The following CTNNA3 variants were observed in gnomAD, a reference collection of about 807,000 sequenced individuals.
CTNNA3 encodes the protein catenin alpha 3.
Under a neutral mutation model 95.7 loss-of-function variants are expected in CTNNA3, and 76 were observed. The ratio of observed to expected loss-of-function variants is 0.79; its 90% CI spans 0.66 to 0.96. The LOEUF (loss-of-function observed/expected upper bound fraction) is 0.96, where lower values mean the gene tolerates loss of function less well. Among genes scored for constraint, CTNNA3 ranks in the 40% least tolerant of loss-of-function variants. CTNNA3 has a pLI of 0.00. For synonymous variants in CTNNA3, 431 were observed against 374.4 expected, an observed-to-expected ratio of 1.15 and a Z score of -1.74; for missense variants, 1,191 against 1,089.8, an observed-to-expected ratio of 1.09 and a Z score of -1.31.
At chr10:66,662,363 T>C (rs1393127975) in intron 9 of CTNNA3, among the ~76,000 whole-genome samples, 1 of 152,200 alleles carries the variant, frequency 6.6e-6, no homozygotes, top group African/African-American at 2.4e-5. Flanking sequence ...GCGTTTAGCA[T>C]ACACCTGCAA....
At chr10:66,485,214 A>G (rs1343706605) in intron 11 of CTNNA3, among the ~76,000 whole-genome samples, 1 of 152,154 alleles carries the variant, frequency 6.6e-6, no homozygotes, top group Non-Finnish European at 1.5e-5. Context: ...TAAACATAGT[A>G]CTGGAAGTTG....
chr10:66,689,101 CAT>C (rs1847416200), intron 9 of CTNNA3, among the ~76,000 whole-genome samples: 1 of 151,466 alleles, frequency 6.6e-6, no homozygotes, highest in Non-Finnish European at 1.5e-5. Context: ...TGTGTGTATC[CAT>C]GAATCAATGA....
At position 66,229,020 on chromosome 10, in the gene CTNNA3, T is replaced by A. The variant is rs558466528; in HGVS notation, c.1884+51450A>T. On this transcript the variant is annotated intron_variant, in intron 13 of 17. Coordinates refer to ENST00000433211, the MANE Select transcript of CTNNA3 (RefSeq NM_013266.4). ...CATTCTTTGACTTTCAGTCTGCATG[T>A]GTATTTCCAGGTAAAGTGAGCTTCT... 2.0e-5 allele frequency among the ~76,000 whole-genome samples: 3 copies of A among 152,304 alleles called. No homozygotes were observed. The East Asian group carries it at 5.8e-4, about 29-fold the overall frequency.
At chr10:67,379,287 C>G (rs1257864696) in intron 5 of CTNNA3, among the ~76,000 whole-genome samples, 1 of 152,088 alleles carries the variant, frequency 6.6e-6, no homozygotes, top group Non-Finnish European at 1.5e-5. Context: ...CTCTAGCCCC[C>G]CGCTTGGACA....
intron 11 of CTNNA3, among the ~76,000 whole-genome samples, chr10:66,423,941 G>A (rs1018187915): frequency 3.3e-5 from 5 of 152,196 alleles, no homozygotes; most frequent in African/African-American, 9.6e-5. Flanking sequence ...AGGTGGAAGA[G>A]TTAATGTTGT....
chr10:66,890,287 G>T (rs1481226659), intron 7 of CTNNA3, among the ~76,000 whole-genome samples: 2 of 151,730 alleles, frequency 1.3e-5, no homozygotes, highest in Non-Finnish European at 1.5e-5. Context: ...CAGGCTCATG[G>T]AACGGAATAA....
chr10:66,869,756 G>A (rs1220087998), intron 7 of CTNNA3, among the ~76,000 whole-genome samples: 5 of 152,104 alleles, frequency 3.3e-5, no homozygotes, highest in Admixed American at 2.6e-4. Flanking sequence ...GAGAGGCTAA[G>A]TGTATCATCT....
chr10:66,408,577 C>G (rs1026404339), intron 11 of CTNNA3, among the ~76,000 whole-genome samples: 4 of 152,116 alleles, frequency 2.6e-5, no homozygotes, highest in Admixed American at 6.5e-5. Flanking sequence ...CATCCTTAAG[C>G]TGTACAAAGT....
intron 11 of CTNNA3, among the ~76,000 whole-genome samples, chr10:66,450,011 T>C (rs1416601601): frequency 1.7e-5 from 1 of 60,028 alleles, no homozygotes; most frequent in East Asian, 4.7e-4. Context: ...AAGTTCATAA[T>C]TTTTTTTGAG....
intron 5 of CTNNA3, among the ~76,000 whole-genome samples, chr10:67,273,776 A>T (rs922893445): frequency 2.6e-5 from 4 of 152,200 alleles, no homozygotes; most frequent in Non-Finnish European, 5.9e-5. Context: ...GATAAATATT[A>T]AAAATGTCAC....
intron 7 of CTNNA3, among the ~76,000 whole-genome samples, chr10:67,050,980 A>G (rs567128219): frequency 1.6e-4 from 24 of 152,344 alleles, no homozygotes; most frequent in Non-Finnish European, 2.2e-4. Flanking sequence ...ACAACAACAA[A>G]TATTTATTTA....
At chr10:66,888,036 T>C (rs908041558) in intron 7 of CTNNA3, among the ~76,000 whole-genome samples, 1 of 152,162 alleles carries the variant, frequency 6.6e-6, no homozygotes, top group African/African-American at 2.4e-5. Flanking sequence ...CTGGGTTATA[T>C]AGAGGGCCCA....
intron 1 of CTNNA3, among the ~76,000 whole-genome samples, chr10:67,723,093 T>C (rs1024560939): frequency 1.3e-5 from 2 of 151,692 alleles, no homozygotes; most frequent in Non-Finnish European, 1.5e-5. Context: ...TTCAAGCAAT[T>C]TTCCTGCTTT....
intron 12 of CTNNA3, among the ~76,000 whole-genome samples, chr10:66,285,168 A>G (rs751250311): frequency 9.2e-5 from 14 of 151,858 alleles, no homozygotes; most frequent in Non-Finnish European, 1.9e-4. Flanking sequence ...CCTCTGTGTT[A>G]TACTCTACTC....
At chr10:66,388,699 T>A (rs1439240672) in intron 11 of CTNNA3, among the ~76,000 whole-genome samples, 1 of 152,050 alleles carries the variant, frequency 6.6e-6, no homozygotes, top group Non-Finnish European at 1.5e-5. Flanking sequence ...GAAAAGAAGC[T>A]ATAACCAGAC....
In CTNNA3 at chr10:67,219,103, C is replaced by T. The variant is rs973954670; in HGVS notation, c.843+504G>A. ...TCAAGCCTTTGCTCTAGATCTTCAT[C>T]TGCCCGATTCCTGAACTCTTTCAAG... On this transcript the variant is annotated intron_variant, in intron 6 of 17. Transcript: ENST00000433211. Among the ~76,000 whole-genome samples the T allele has an allele frequency of 3.3e-5, 5 of 152,212 alleles. No homozygotes were observed. In the South Asian group the frequency reaches 8.3e-4, roughly 25 times the overall value.
chr10:66,275,907 T>C (rs531129966), intron 13 of CTNNA3, among the ~76,000 whole-genome samples: 1 of 152,204 alleles, frequency 6.6e-6, no homozygotes, highest in African/African-American at 2.4e-5. Context: ...GAAAGTTATA[T>C]TTAATTCCAG....
intron 7 of CTNNA3, among the ~76,000 whole-genome samples, chr10:66,806,228 A>G (rs192368334): frequency 1.3e-5 from 2 of 151,402 alleles, no homozygotes; most frequent in Admixed American, 1.3e-4. Context: ...ATGTCTAAGC[A>G]CATAGTATTT....
chr10:67,482,161 A>G lies in CTNNA3; in HGVS notation c.579+39681T>C, dbSNP rs1848259132. ...GTTTTGGTTACTGTAGCCTTGTAGT[A>G]TAGTTTGAAGTCAGGTAGTGTGATG... On this transcript the variant is annotated intron_variant, in intron 5 of 17. Coordinates refer to ENST00000433211, the MANE Select transcript of CTNNA3 (RefSeq NM_013266.4). Among the ~76,000 whole-genome samples the G allele has an allele frequency of 2.0e-5, 3 of 150,094 alleles. No homozygotes were observed. In the East Asian group the frequency reaches 5.9e-4, roughly 30 times the overall value.
Sources: gnomAD v4.1 joint callset for allele counts (sites outside exome capture counted in the v4.1 genomes callset) on GRCh38, gnomAD v4.1.1 for gene constraint, MANE v1.5 for transcripts, NCBI Gene and HGNC (gene_info 2026-07-23, HGNC 2026-07-21) for gene names.